AHCYL2: variants seen among roughly 807,000 people sequenced by gnomAD.
The protein encoded by AHCYL2 is adenosylhomocysteinase like 2, also known as S-adenosylhomocysteine hydrolase-like protein 2.
AHCYL2 carries 28 observed loss-of-function variants against 81.4 expected under a neutral mutation model. The ratio of observed to expected loss-of-function variants is 0.34; its 90% CI spans 0.25 to 0.47. AHCYL2 has a LOEUF of 0.47. Among genes scored for constraint, AHCYL2 ranks in the 20% least tolerant of loss-of-function variants. The pLI is 1.00. For synonymous variants in AHCYL2, 272 were observed against 290.2 expected, an observed-to-expected ratio of 0.94 and a Z score of 0.64; for missense variants, 551 against 785.1, an observed-to-expected ratio of 0.70 and a Z score of 3.56.
intron 12 of AHCYL2, among the ~76,000 whole-genome samples, chr7:129,414,695 AG>A (rs1796761544): frequency 6.6e-6 from 1 of 152,170 alleles, no homozygotes. Flanking sequence ...CTGGGATTAC[AG>A]GCATGAGCCA....
intron 6 of AHCYL2, among the ~76,000 whole-genome samples, chr7:129,401,348 C>T (rs376362171): frequency 2.1e-5 from 3 of 141,078 alleles, no homozygotes; most frequent in African/African-American, 5.0e-5. Context: ...TGCCCCCCCC[C>T]AAAAAAGCTA....
chr7:129,376,031 C>T, intron 1 of AHCYL2: 1 of 1,405,744 alleles, frequency 7.1e-7, no homozygotes. Flanking sequence ...TTTCATCCCT[C>T]CCTCTGGCAT....
intron 1 of AHCYL2, among the ~76,000 whole-genome samples, chr7:129,348,964 C>G (rs1793456016): frequency 6.6e-6 from 1 of 152,122 alleles, no homozygotes; most frequent in Admixed American, 6.5e-5. Context: ...AGCTGTTTTG[C>G]TATTTTATGT....
At chr7:129,413,144 C>CT (rs35091143) in intron 11 of AHCYL2, among the ~76,000 whole-genome samples, 45,693 of 135,776 alleles carry the variant, frequency 0.34, 8,058 homozygotes, top group African/African-American at 0.48. Context: ...GCCTGGCCTG[C>CT]TTTTTTTTTT....
rs1300341819 is a variant in AHCYL2, at chr7:129,419,146, T to C, written c.1462-3694T>C. Among the ~76,000 whole-genome samples, 1 of 152,240 alleles carries C rather than the reference T, an allele frequency of 6.6e-6. No homozygotes were observed. Among genetic ancestry groups the C allele is most frequent in the Non-Finnish European group, 1.5e-5 (1 of 68,040 alleles). ...CAAAAGAGTTGGTCATTTAGAAAGC[T>C]GCATTTTTTTTCTGAGAAATATGAA... On this transcript the variant is annotated intron_variant, in intron 12 of 16. Transcript: ENST00000325006. This position sits in a 1 kb window ranked among gnomAD's most constrained non-coding sequence, Gnocchi z 4.7.
At position 129,307,242 on chromosome 7, in the gene AHCYL2, C is replaced by T. The variant is rs767072773; in HGVS notation, c.364-72396C>T. Among the ~76,000 whole-genome samples, 92 of 152,286 alleles carry T rather than the reference C, an allele frequency of 6.0e-4. 2 individuals are homozygous for T. The highest frequency in any genetic ancestry group is 4.4e-4 in the Non-Finnish European group (30 of 68,012). On this transcript the variant is annotated intron_variant, in intron 1 of 16. Coordinates refer to ENST00000325006, the MANE Select transcript of AHCYL2 (RefSeq NM_015328.4). Reference sequence around the variant, plus strand: ...TCCAGAGATGCTGTTCAGGAGCCAGCGCTTGGAGTTGGAAACCTTAGAAAG... The same window carrying T: ...TCCAGAGATGCTGTTCAGGAGCCAGTGCTTGGAGTTGGAAACCTTAGAAAG...
chr7:129,332,929 C>G (rs2150805410), intron 1 of AHCYL2, among the ~76,000 whole-genome samples: 1 of 152,248 alleles, frequency 6.6e-6, no homozygotes, highest in Admixed American at 6.5e-5. Context: ...GTTTATTTGG[C>G]TATTTAGAAT....
chr7:129,368,930 A>C lies in AHCYL2; in HGVS notation c.364-10708A>C, dbSNP rs1030161350. On this transcript the variant is annotated intron_variant, in intron 1 of 16. Coordinates refer to ENST00000325006, the MANE Select transcript of AHCYL2 (RefSeq NM_015328.4). The surrounding 1 kb of genome is among the most constrained non-coding windows in gnomAD (Gnocchi z 4.4). ...AGAAAAAGAACAATGAGGAGAAAAA[A>C]CAAAAACAGAACTTACAGAAATGGT... Among the ~76,000 whole-genome samples, 3 of 152,194 alleles carry C rather than the reference A, an allele frequency of 2.0e-5. No individual in the cohort carries two copies. Among genetic ancestry groups the C allele is most frequent in the African/African-American group, 7.2e-5 (3 of 41,446 alleles).
At position 129,375,976 on chromosome 7, in the gene AHCYL2, T is replaced by C. The variant is rs192256231; in HGVS notation, c.364-3662T>C. On this transcript the variant is annotated intron_variant, in intron 1 of 16. Transcript: ENST00000325006. ...GTCTTGCCGCTGCTATAGCCATTATTGTAAAAGGCCGACTGCTTATACTCT... is the reference window on the plus strand; with the variant it reads ...GTCTTGCCGCTGCTATAGCCATTATCGTAAAAGGCCGACTGCTTATACTCT... 18 of 1,534,632 alleles carry C rather than the reference T, an allele frequency of 1.2e-5. No individual in the cohort carries two copies. The East Asian group carries it at 4.4e-4, about 38-fold the overall frequency.
intron 1 of AHCYL2, among the ~76,000 whole-genome samples, chr7:129,245,611 C>T (rs920154038): frequency 6.6e-6 from 1 of 152,128 alleles, no homozygotes. Context: ...CAGTATTTTT[C>T]CTTATGTCTG....
intron 1 of AHCYL2, among the ~76,000 whole-genome samples, chr7:129,282,764 A>G (rs1449606427): frequency 6.6e-6 from 1 of 151,710 alleles, no homozygotes; most frequent in African/African-American, 2.4e-5. Flanking sequence ...CTGTTTAGGT[A>G]CTGGATTTTT....
At chr7:129,345,158 C>A (rs1042981164) in intron 1 of AHCYL2, among the ~76,000 whole-genome samples, 4 of 152,082 alleles carry the variant, frequency 2.6e-5, no homozygotes, top group African/African-American at 9.7e-5. Flanking sequence ...AAGAAAAATT[C>A]TGCCTTCAGT....
Position 129,426,018 on chromosome 7 carries a change from A to G in AHCYL2, c.1709-425A>G, listed in dbSNP as rs1041531852. Among the ~76,000 whole-genome samples the G allele has an allele frequency of 3.3e-5, 5 of 152,362 alleles. No homozygotes were observed. Among genetic ancestry groups the G allele is most frequent in the African/African-American group, 1.2e-4 (5 of 41,594 alleles). ...AGCAAACAGTTCATTTATCCCATTT[A>G]GTATCCTTCTTAGTTTTTCCATTCA... On this transcript the variant is annotated intron_variant, in intron 15 of 16. Coordinates refer to ENST00000325006, the MANE Select transcript of AHCYL2 (RefSeq NM_015328.4). The surrounding 1 kb of genome is among the most constrained non-coding windows in gnomAD (Gnocchi z 4.3).
At chr7:129,242,436 G>A (rs1423509884) in intron 1 of AHCYL2, among the ~76,000 whole-genome samples, 1 of 152,016 alleles carries the variant, frequency 6.6e-6, no homozygotes, top group African/African-American at 2.4e-5. Context: ...TGCTTATGGT[G>A]GCCGGGTGCA....
At chr7:129,270,562 G>T (rs1158195437) in intron 1 of AHCYL2, among the ~76,000 whole-genome samples, 4 of 152,164 alleles carry the variant, frequency 2.6e-5, no homozygotes, top group Non-Finnish European at 5.9e-5. Flanking sequence ...AGCTGAGCTT[G>T]TGAAAAAGTA....
chr7:129,290,487 TGA>T (rs1796804132), intron 1 of AHCYL2, among the ~76,000 whole-genome samples: 1 of 134,708 alleles, frequency 7.4e-6, no homozygotes, highest in Non-Finnish European at 1.6e-5. Flanking sequence ...GGCGACAGAG[TGA>T]GACTCTGTCT....
chr7:129,300,801 C>T lies in AHCYL2; in HGVS notation c.363+75362C>T, dbSNP rs145282126. 3.3e-3 allele frequency among the ~76,000 whole-genome samples: 504 copies of T among 152,160 alleles called. 6 individuals carry two copies. The highest frequency in any genetic ancestry group is 0.011 in the African/African-American group (452 of 41,516). ...TGTTATTGCCTGTCTTTTGGATATA[C>T]GCCATTTCAGCTGTGGCAAGATATT... is the stretch of plus-strand genomic sequence containing the variant. On this transcript the variant is annotated intron_variant, in intron 1 of 16. Coordinates refer to ENST00000325006, the MANE Select transcript of AHCYL2 (RefSeq NM_015328.4).
intron 1 of AHCYL2, among the ~76,000 whole-genome samples, chr7:129,280,388 G>A (rs775492784): frequency 1.3e-5 from 2 of 151,824 alleles, no homozygotes; most frequent in Non-Finnish European, 2.9e-5. Context: ...AGGCTGGTCT[G>A]GAACTCCTGA....
At chr7:129,325,162 T>C (rs1798175862) in intron 1 of AHCYL2, among the ~76,000 whole-genome samples, 1 of 132,556 alleles carries the variant, frequency 7.5e-6, no homozygotes, top group Non-Finnish European at 1.7e-5. Context: ...GGTATAATTT[T>C]CCTTGTGCCT....
Sources: gnomAD v4.1 joint callset for allele counts (sites outside exome capture counted in the v4.1 genomes callset) on GRCh38, gnomAD v4.1.1 for gene constraint, Gnocchi (gnomAD v3.1) non-coding constraint, MANE v1.5 for transcripts, NCBI Gene and HGNC (gene_info 2026-07-23, HGNC 2026-07-21) for gene names.